Variants in CABCOCO1 observed in about 807,000 individuals in gnomAD.
CABCOCO1 encodes the protein ciliary-associated calcium-binding coiled-coil protein 1.
A neutral mutation model predicts 35.7 loss-of-function variants in CABCOCO1; 28 were observed. That is an observed-to-expected ratio of 0.78 (90% CI 0.58 to 1.07). The LOEUF (loss-of-function observed/expected upper bound fraction) is 1.07, where lower values mean the gene tolerates loss of function less well. Ranked by LOEUF, CABCOCO1 falls within the 50% of genes least tolerant of loss-of-function variation. CABCOCO1 has a pLI of 0.00. For missense variants in CABCOCO1, 326 were observed against 309.2 expected, an observed-to-expected ratio of 1.05 and a Z score of -0.41; for synonymous variants, 95 against 100.1, an observed-to-expected ratio of 0.95 and a Z score of 0.30.
intron 5 of CABCOCO1, among the ~76,000 whole-genome samples, chr10:61,758,162 C>A (rs536752527): frequency 6.6e-6 from 1 of 152,056 alleles, no homozygotes; most frequent in Non-Finnish European, 1.5e-5. Context: ...TCCCCACCAC[C>A]CCCACTCCAA....
At chr10:61,708,634 G>C (rs1311912388) in intron 5 of CABCOCO1, among the ~76,000 whole-genome samples, 1 of 151,984 alleles carries the variant, frequency 6.6e-6, no homozygotes, top group Non-Finnish European at 1.5e-5. Context: ...CTTTCATAGG[G>C]CATTAATCCC....
At chr10:61,750,359 T>G (rs1175544951) in intron 5 of CABCOCO1, among the ~76,000 whole-genome samples, 1 of 152,192 alleles carries the variant, frequency 6.6e-6, no homozygotes, top group African/African-American at 2.4e-5. Context: ...GTGGATCACC[T>G]GAGGTCAGGA....
chr10:61,686,424 AG>A (rs1471814998), intron 4 of CABCOCO1, among the ~76,000 whole-genome samples: 4 of 152,266 alleles, frequency 2.6e-5, no homozygotes, highest in African/African-American at 2.4e-5. Flanking sequence ...CCAAAAAAAA[AG>A]GTTTGCGTTT....
intron 5 of CABCOCO1, among the ~76,000 whole-genome samples, chr10:61,700,969 A>C (rs1840442477): frequency 6.6e-6 from 1 of 151,710 alleles, no homozygotes; most frequent in South Asian, 2.1e-4. Context: ...ACATACATGT[A>C]TACATATACA....
intron 5 of CABCOCO1, among the ~76,000 whole-genome samples, chr10:61,749,123 A>C (rs1841726726): frequency 6.6e-6 from 1 of 152,200 alleles, no homozygotes; most frequent in Non-Finnish European, 1.5e-5. Flanking sequence ...GATAAAAGTA[A>C]ATTTATTTTT....
At chr10:61,684,725 T>C (rs1839903041) in intron 3 of CABCOCO1, among the ~76,000 whole-genome samples, 1 of 152,088 alleles carries the variant, frequency 6.6e-6, no homozygotes, top group African/African-American at 2.4e-5. Context: ...GTATCCTCTG[T>C]CTTATGTCCA....
chr10:61,710,658 A>G (rs1317532206), intron 5 of CABCOCO1, among the ~76,000 whole-genome samples: 1 of 151,918 alleles, frequency 6.6e-6, no homozygotes, highest in Non-Finnish European at 1.5e-5. Context: ...TTTTAAAGTA[A>G]GTTTGAAGGC....
At chr10:61,748,951 A>G (rs1243495891) in intron 5 of CABCOCO1, among the ~76,000 whole-genome samples, 1 of 152,196 alleles carries the variant, frequency 6.6e-6, no homozygotes, top group Non-Finnish European at 1.5e-5. Flanking sequence ...CTCATCCACA[A>G]CAGAACTAAT....
intron 5 of CABCOCO1, among the ~76,000 whole-genome samples, chr10:61,733,127 A>G (rs1370725583): frequency 6.6e-6 from 1 of 152,050 alleles, no homozygotes. Flanking sequence ...TATGCTTTTT[A>G]TAAATAGTAT....
At chr10:61,685,758 C>T (rs774867140) in intron 3 of CABCOCO1, among the ~76,000 whole-genome samples, 5 of 152,154 alleles carry the variant, frequency 3.3e-5, no homozygotes, top group South Asian at 2.1e-4. Flanking sequence ...GACAGGGTTT[C>T]GCCATGTTGC....
chr10:61,690,528 C>G, intron 4 of CABCOCO1, 21 bp from the exon 5 acceptor site: 1 of 1,518,670 alleles, frequency 6.6e-7, no homozygotes, highest in Non-Finnish European at 9.1e-7. Flanking sequence ...TATCAGAGTG[C>G]ACATTTATTT....
At chr10:61,716,435 G>C (rs1840868063) in intron 5 of CABCOCO1, among the ~76,000 whole-genome samples, 2 of 152,124 alleles carry the variant, frequency 1.3e-5, no homozygotes, top group South Asian at 2.1e-4. Flanking sequence ...CCTTTCAATG[G>C]GGGGAGTGAC....
chr10:61,733,745 G>A (rs1299327977), intron 5 of CABCOCO1, among the ~76,000 whole-genome samples: 1 of 151,990 alleles, frequency 6.6e-6, no homozygotes, highest in Non-Finnish European at 1.5e-5. Context: ...ACCGAGACTT[G>A]TCAGCATTTT....
chr10:61,701,190 C>T (rs1367348036), intron 5 of CABCOCO1, among the ~76,000 whole-genome samples: 1 of 152,034 alleles, frequency 6.6e-6, no homozygotes, highest in Non-Finnish European at 1.5e-5. Context: ...TATACATGTT[C>T]TCATTTTTAA....
intron 5 of CABCOCO1, among the ~76,000 whole-genome samples, chr10:61,708,179 G>T (rs1840639347): frequency 6.6e-6 from 1 of 150,658 alleles, no homozygotes; most frequent in Admixed American, 6.7e-5. Context: ...CCAGCACATA[G>T]ACAGACGCAT....
At chr10:61,713,718 G>A (rs770117335) in intron 5 of CABCOCO1, among the ~76,000 whole-genome samples, 21 of 151,948 alleles carry the variant, frequency 1.4e-4, no homozygotes, top group Admixed American at 4.6e-4. Context: ...TATTTAGCAT[G>A]AGGGCTTTTG....
At chr10:61,687,141 T>C (rs1839989076) in intron 4 of CABCOCO1, among the ~76,000 whole-genome samples, 1 of 152,300 alleles carries the variant, frequency 6.6e-6, no homozygotes, top group South Asian at 2.1e-4. Context: ...TATATATTGG[T>C]TTGTGGTATG....
intron 5 of CABCOCO1, among the ~76,000 whole-genome samples, chr10:61,736,907 T>A (rs1055876975): frequency 6.6e-6 from 1 of 152,130 alleles, no homozygotes; most frequent in African/African-American, 2.4e-5. Context: ...TTGTGGCTGT[T>A]GTGAATGGGA....
At chr10:61,687,335 A>T (rs1839996165) in intron 4 of CABCOCO1, among the ~76,000 whole-genome samples, 1 of 152,200 alleles carries the variant, frequency 6.6e-6, no homozygotes, top group South Asian at 2.1e-4. Context: ...CCAAAATTGG[A>T]GGAGAGCCTA....
Sources: allele counts gnomAD v4.1 joint callset (sites outside exome capture counted in the v4.1 genomes callset), GRCh38; gene constraint gnomAD v4.1.1; transcripts MANE v1.5; gene names NCBI Gene and HGNC (gene_info 2026-07-23, HGNC 2026-07-21).